SAMD4A: variants seen among roughly 807,000 people sequenced by gnomAD.
SAMD4A encodes protein Smaug homolog 1.
SAMD4A carries 33 observed loss-of-function variants against 81.3 expected under a neutral mutation model. That is an observed-to-expected ratio of 0.41 (90% CI 0.31 to 0.54). SAMD4A has a LOEUF of 0.54. Ranked by LOEUF, SAMD4A falls within the 20% of genes least tolerant of loss-of-function variation. The probability of loss-of-function intolerance (pLI) is 0.37; values close to 1 mark genes in which losing one functional copy is unlikely to be tolerated. For synonymous variants in SAMD4A, 389 were observed against 382.1 expected, an observed-to-expected ratio of 1.02 and a Z score of -0.21; for missense variants, 854 against 951.1, an observed-to-expected ratio of 0.90 and a Z score of 1.34.
intron 3 of SAMD4A, among the ~76,000 whole-genome samples, chr14:54,724,007 T>TGGAAGGAAGGAAGGAAGGAAGAA (rs2037336658): frequency 1.6e-5 from 2 of 124,176 alleles, no homozygotes; most frequent in Non-Finnish European, 3.4e-5. Flanking sequence ...GATGGATGGA[T>TGGAAGGAAGGAAGGAAGGAAGAA]GGAAGGAAGG....
At chr14:54,743,782 G>A (rs2037900843) in intron 4 of SAMD4A, among the ~76,000 whole-genome samples, 1 of 152,212 alleles carries the variant, frequency 6.6e-6, no homozygotes, top group Admixed American at 6.5e-5. Context: ...GGAGCACACT[G>A]AGGAGGATCC....
intron 11 of SAMD4A, among the ~76,000 whole-genome samples, chr14:54,782,157 G>A (rs2039014081): frequency 6.6e-6 from 1 of 152,152 alleles, no homozygotes; most frequent in Admixed American, 6.6e-5. Context: ...TCCCAGGCTT[G>A]GAAAATGGCA....
intron 2 of SAMD4A, among the ~76,000 whole-genome samples, chr14:54,646,997 A>G (rs1396148692): frequency 6.6e-6 from 1 of 152,206 alleles, no homozygotes; most frequent in Non-Finnish European, 1.5e-5. Flanking sequence ...CAGAATGGAA[A>G]TGTTCGAATT....
Position 54,679,156 on chromosome 14 carries a change from A to G in SAMD4A, c.197-22906A>G, listed in dbSNP as rs181840909. ...TTTTTTTCTATCATTTTTGGAGATT[A>G]TAGCAGGAGGTCAAATATTTAAAGT... On this transcript the variant is annotated intron_variant, in intron 2 of 12. Coordinates refer to ENST00000554335, the MANE Select transcript of SAMD4A (RefSeq NM_015589.6). Among the ~76,000 whole-genome samples the G allele has an allele frequency of 2.0e-3, 304 of 152,326 alleles. 1 individual carries two copies. Among genetic ancestry groups the G allele is most frequent in the African/African-American group, 6.8e-3 (282 of 41,582 alleles).
intron 2 of SAMD4A, among the ~76,000 whole-genome samples, chr14:54,621,135 G>C (rs1261146971): frequency 1.3e-5 from 2 of 152,130 alleles, no homozygotes; most frequent in African/African-American, 4.8e-5. Flanking sequence ...TGGTAGGCAC[G>C]ACCTTTAAGG....
intron 2 of SAMD4A, among the ~76,000 whole-genome samples, chr14:54,573,690 A>G (rs1438362486): frequency 6.6e-6 from 1 of 152,120 alleles, no homozygotes; most frequent in Non-Finnish European, 1.5e-5. Context: ...AGCTCATCCA[A>G]TTCACATAGA....
At position 54,783,363 on chromosome 14, in the gene SAMD4A, G is replaced by T. The variant is rs570552375; in HGVS notation, c.2045-1174G>T. 1.6e-3 allele frequency among the ~76,000 whole-genome samples: 244 copies of T among 152,274 alleles called. 1 individual carries two copies. The highest frequency in any genetic ancestry group is 3.4e-3 in the Middle Eastern group (1 of 294). ...CAGGTAGTTGAGGACATTTAAAGTC[G>T]CCACTGGATGAGGCCTGCGGAGGTG... is the stretch of plus-strand genomic sequence containing the variant. On this transcript the variant is annotated intron_variant, in intron 11 of 12. Transcript: ENST00000554335.
intron 2 of SAMD4A, among the ~76,000 whole-genome samples, chr14:54,669,303 C>T (rs1364064915): frequency 6.6e-6 from 1 of 152,170 alleles, no homozygotes; most frequent in East Asian, 1.9e-4. Flanking sequence ...GAGGCTCTCC[C>T]TGAGCACCTG....
At chr14:54,745,710 A>T (rs1763241234) in intron 4 of SAMD4A, among the ~76,000 whole-genome samples, 1 of 152,188 alleles carries the variant, frequency 6.6e-6, no homozygotes, top group South Asian at 2.1e-4. Context: ...ATATAGCAAA[A>T]GCATCTTTAT....
chr14:54,772,044 C>CTGGAAAATGT (rs2038720404), intron 9 of SAMD4A, among the ~76,000 whole-genome samples: 1 of 152,178 alleles, frequency 6.6e-6, no homozygotes, highest in Non-Finnish European at 1.5e-5. Context: ...TACTATAAGG[C>CTGGAAAATGT]TGGAAAATGT....
At chr14:54,687,151 A>G in intron 2 of SAMD4A, 1 of 350,854 alleles carries the variant, frequency 2.9e-6, no homozygotes, top group South Asian at 2.2e-5. Flanking sequence ...AACTTCTAAC[A>G]TTATATAAAG....
intron 2 of SAMD4A, among the ~76,000 whole-genome samples, chr14:54,585,075 T>G (rs1183841967): frequency 1.3e-5 from 2 of 152,236 alleles, no homozygotes; most frequent in Non-Finnish European, 2.9e-5. Context: ...ATTAGGTCCA[T>G]TTGACATACT....
At chr14:54,640,718 A>C (rs1484584468) in intron 2 of SAMD4A, among the ~76,000 whole-genome samples, 2 of 152,146 alleles carry the variant, frequency 1.3e-5, no homozygotes, top group East Asian at 3.9e-4. Flanking sequence ...CCCAGCCCTC[A>C]ATTGTCACAG....
chr14:54,625,299 C>T (rs1449349998), intron 2 of SAMD4A, among the ~76,000 whole-genome samples: 1 of 152,174 alleles, frequency 6.6e-6, no homozygotes, highest in Non-Finnish European at 1.5e-5. Flanking sequence ...GCATTCAGAT[C>T]GAAAGCTCTC....
rs1201779421 is a variant in SAMD4A, at chr14:54,567,933, A to G, written c.17A>G (p.Gln6Arg). The G allele has an allele frequency of 1.2e-6, 2 of 1,608,348 alleles. No homozygotes were observed. Among genetic ancestry groups the G allele is most frequent in the Admixed American group, 1.7e-5 (1 of 59,744 alleles). MMFRDQVGVLAGWFKG... is the reference protein window; with the variant it reads MMFRDRVGVLAGWFKG... ...CCCCTAACCATGATGTTTCGCGACC[A>G]GGTCGGGGTGCTGGCGGGCTGGTTT... The change falls in exon 2 of 13, where the codon CAG becomes CGG. Residue 6 changes from glutamine to arginine, a missense_variant. Transcript: ENST00000554335.
At position 54,789,084 on chromosome 14, in the gene SAMD4A, T is replaced by C. The variant is rs943114226; in HGVS notation, c.*140T>C. ...CCTGGTCCCTCTCCCGTTTTGATTT[T>C]GTGAGAGCGTAGGTCATCCTCGTAA... On this transcript the variant is annotated 3_prime_UTR_variant, in exon 13 of 13. Transcript: ENST00000554335. 1.8e-5 allele frequency: 16 copies of C among 896,376 alleles called. No individual in the cohort carries two copies. The highest frequency in any genetic ancestry group is 2.9e-5 in the Non-Finnish European group (16 of 550,720). The allele number at this position is 896,376 out of a possible 1,614,324, so 55.5% of individuals were successfully genotyped here.
intron 2 of SAMD4A, among the ~76,000 whole-genome samples, chr14:54,689,231 C>T (rs1221988259): frequency 6.6e-6 from 1 of 152,136 alleles, no homozygotes; most frequent in Non-Finnish European, 1.5e-5. Context: ...CCGCGCCCGG[C>T]CCAGAGGTTG....
In SAMD4A at chr14:54,748,811, A is replaced by G; in HGVS notation, c.980-4A>G. 6.5e-7 allele frequency: 1 copy of G among 1,545,992 alleles called. No homozygotes were observed. The highest frequency in any genetic ancestry group is 1.2e-5 in the South Asian group (1 of 83,946). On this transcript the variant is annotated splice_polypyrimidine_tract_variant and splice_region_variant and intron_variant, in intron 4 of 12. Coordinates refer to ENST00000554335, the MANE Select transcript of SAMD4A (RefSeq NM_015589.6). ...CCCCATCTCTTGCACATCTTGCACCACAGATGTTCCAGCCTGGCTGAAAAG... is the reference window on the plus strand; with the variant it reads ...CCCCATCTCTTGCACATCTTGCACCGCAGATGTTCCAGCCTGGCTGAAAAG...
intron 3 of SAMD4A, among the ~76,000 whole-genome samples, chr14:54,733,827 AG>A (rs896897691): frequency 4.2e-5 from 6 of 141,388 alleles, no homozygotes; most frequent in Admixed American, 1.4e-4. Context: ...GCCTACTCAT[AG>A]GAAAAAAAAA....
Sources: gnomAD v4.1 joint callset for allele counts (sites outside exome capture counted in the v4.1 genomes callset) on GRCh38, gnomAD v4.1.1 for gene constraint, MANE v1.5 for transcripts, NCBI Gene and HGNC (gene_info 2026-07-23, HGNC 2026-07-21) for gene names.